Variants in FLACC1 observed in about 807,000 individuals in gnomAD.
FLACC1 encodes the protein flagellum associated containing coiled-coil domains 1.
In FLACC1, 66 loss-of-function variants were observed where a neutral mutation model predicts 62.8. The observed-to-expected ratio is 1.05, with a 90% CI of 0.86 to 1.29. FLACC1 has a LOEUF of 1.29. Ranked by LOEUF, FLACC1 falls within the 50% of genes most tolerant of loss-of-function variation. The pLI, the probability that FLACC1 is intolerant of heterozygous loss-of-function variation, is 0.00. For missense variants in FLACC1, 452 were observed against 489.1 expected, an observed-to-expected ratio of 0.92 and a Z score of 0.71; for synonymous variants, 156 against 161.0, an observed-to-expected ratio of 0.97 and a Z score of 0.24.
chr2:201,314,069 T>C (rs1950266130), intron 9 of FLACC1, among the ~76,000 whole-genome samples: 1 of 152,156 alleles, frequency 6.6e-6, no homozygotes, highest in South Asian at 2.1e-4. Flanking sequence ...AACAACAGCC[T>C]TGAGCCCTAG....
chr2:201,293,828 G>A (rs1011071451), intron 12 of FLACC1, among the ~76,000 whole-genome samples: 4 of 134,132 alleles, frequency 3.0e-5, no homozygotes, highest in African/African-American at 5.1e-5. Context: ...AAAAAAAAAC[G>A]ATAAAGGGGA....
rs369960145 is a variant in FLACC1 at position 201,352,746 on chromosome 2, C to T, written c.-47-1295G>A. On this transcript the variant is annotated intron_variant, in intron 1 of 14. Coordinates refer to ENST00000392257, the MANE Select transcript of FLACC1 (RefSeq NM_001127391.3). ...ATGAATACTGTCCCTTTCCCTATAC[C>T]GCATGTCCTAATCCCTGGAAAGTGT... Among the ~76,000 whole-genome samples, 28 of 152,274 alleles carry T rather than the reference C, an allele frequency of 1.8e-4. No individual in the cohort carries two copies. The East Asian group carries it at 2.7e-3, about 15-fold the overall frequency.
At chr2:201,288,901 A>G (rs908629825) in intron 14 of FLACC1, 120 bp from the exon 15 acceptor site, 6 of 1,178,396 alleles carry the variant, frequency 5.1e-6, no homozygotes, top group African/African-American at 4.6e-5. Flanking sequence ...TCTCTCACTC[A>G]TTACTTGCAG....
chr2:201,324,976 A>C, intron 9 of FLACC1, among the ~76,000 whole-genome samples: 1 of 152,000 alleles, frequency 6.6e-6, no homozygotes, highest in Admixed American at 6.6e-5. Flanking sequence ...AAAAATACAA[A>C]AATTAGCTGG....
At position 201,309,366 on chromosome 2, in the gene FLACC1, C is replaced by A. The variant is rs747102793; in HGVS notation, c.676-116G>T. On this transcript the variant is annotated intron_variant, in intron 9 of 14. Transcript: ENST00000392257. ...CTTGGCATTGCACAGTGGCCAGGGC[C>A]CATCACCATGTTCTGTGCATCTTCC... 3.5e-5 allele frequency: 26 copies of A among 753,412 alleles called. No individual in the cohort carries two copies. In the East Asian group the frequency reaches 6.4e-4, roughly 19 times the overall value. 46.7% of individuals were successfully genotyped at this position (753,412 alleles called of 1,614,324 possible).
intron 1 of FLACC1, among the ~76,000 whole-genome samples, chr2:201,355,532 C>T (rs1951102451): frequency 6.6e-6 from 1 of 150,822 alleles, no homozygotes; most frequent in Non-Finnish European, 1.5e-5. Flanking sequence ...TAAACAATGT[C>T]TTGGTATATA....
chr2:201,335,130 A>C (rs1013303483), intron 7 of FLACC1, among the ~76,000 whole-genome samples: 1 of 151,944 alleles, frequency 6.6e-6, no homozygotes, highest in African/African-American at 2.4e-5. Context: ...TATCAGTTGT[A>C]ATGTCTCCTC....
chr2:201,334,061 C>A (rs1950646879), intron 7 of FLACC1, among the ~76,000 whole-genome samples: 1 of 152,212 alleles, frequency 6.6e-6, no homozygotes, highest in Admixed American at 6.5e-5. Context: ...TCTCCACAGC[C>A]TCTCCAGCAC....
chr2:201,344,701 AG>A (rs1950878890), intron 5 of FLACC1, among the ~76,000 whole-genome samples: 2 of 152,162 alleles, frequency 1.3e-5, no homozygotes, highest in Admixed American at 1.3e-4. Flanking sequence ...TGGGACTAAG[AG>A]GGTATTTAAG....
chr2:201,307,410 TA>T (rs762116626), intron 11 of FLACC1, 108 bp downstream of exon 11: 42 of 796,198 alleles, frequency 5.3e-5, no homozygotes, highest in Middle Eastern at 5.2e-4. Flanking sequence ...AGAGGAGGAT[TA>T]TGCCCAGAAA....
intron 6 of FLACC1, 78 bp from the exon 7 acceptor site, chr2:201,342,509 C>T: frequency 1.4e-6 from 2 of 1,452,574 alleles, no homozygotes; most frequent in South Asian, 1.2e-5. Context: ...GAAAAGCCTT[C>T]CAATTTATGG....
At chr2:201,360,615 A>G (rs1274781614), upstream of FLACC1, among the ~76,000 whole-genome samples, 1 of 152,192 alleles carries the variant, frequency 6.6e-6, no homozygotes, top group East Asian at 1.9e-4. Context: ...GTGCTATGCT[A>G]ACTCCCATGG....
rs372401496 is a variant in FLACC1 at position 201,328,035 on chromosome 2, C to G, written c.675+2435G>C. ...TTGGATGGAGCTGGAGGCCATTATT[C>G]TAAACAAAGTAACACAGGAGTGGAA... On this transcript the variant is annotated intron_variant, in intron 9 of 14. Transcript: ENST00000392257. Among the ~76,000 whole-genome samples, 7 of 152,232 alleles carry G rather than the reference C, an allele frequency of 4.6e-5. No individual in the cohort carries two copies. In the East Asian group the frequency reaches 9.7e-4, roughly 21 times the overall value.
intron 9 of FLACC1, among the ~76,000 whole-genome samples, chr2:201,323,613 C>G (rs1458858905): frequency 6.6e-6 from 1 of 151,956 alleles, no homozygotes; most frequent in Non-Finnish European, 1.5e-5. Flanking sequence ...TGGCAAAACC[C>G]TGTCTTTACT....
At position 201,348,275 on chromosome 2, in the gene FLACC1, T is replaced by TA. The variant is rs1366237331; in HGVS notation, c.212_213insT (p.Glu71AspfsTer4). 6.2e-7 allele frequency: 1 copy of TA among 1,613,106 alleles called. No individual in the cohort carries two copies. The highest frequency in any genetic ancestry group is 8.5e-7 in the Non-Finnish European group (1 of 1,179,824). On this transcript the variant is annotated frameshift_variant, in exon 4 of 15. Coordinates refer to ENST00000392257, the MANE Select transcript of FLACC1 (RefSeq NM_001127391.3). LOFTEE classifies it high-confidence loss of function. Reference sequence around the variant, plus strand: ...TCACATAAAATGATTTATTAGTCTCTTCTTGCCTTGCTGAATGGATTTTCA... The same window carrying TA: ...TCACATAAAATGATTTATTAGTCTCTATCTTGCCTTGCTGAATGGATTTTCA...
At chr2:201,322,898 CAAT>C (rs1950431820) in intron 9 of FLACC1, among the ~76,000 whole-genome samples, 2 of 151,878 alleles carry the variant, frequency 1.3e-5, no homozygotes, top group South Asian at 2.1e-4. Flanking sequence ...CAAGAAAAAA[CAAT>C]AAGAATTTCT....
At position 201,289,636 on chromosome 2, in the gene FLACC1, A is replaced by C; in HGVS notation, c.1032+60T>G. The C allele has an allele frequency of 3.1e-6, 5 of 1,611,490 alleles. No homozygotes were observed. In the Middle Eastern group the frequency reaches 5.0e-4, roughly 160 times the overall value. On this transcript the variant is annotated intron_variant, in intron 13 of 14. Transcript: ENST00000392257. ...CATCCAGGGCAGAGCTATATGGCAG[A>C]GCTGGATGGAGACCTGGGTTCTTCC... is the stretch of plus-strand genomic sequence containing the variant.
At position 201,293,881 on chromosome 2, in the gene FLACC1, G is replaced by A. The variant is rs528728100; in HGVS notation, c.943-4096C>T. Reference sequence around the variant, plus strand: ...CAGAACTACAAACTACCATCAGAGAGTACTATAAACACCTCTATGCAAATA... The same window carrying A: ...CAGAACTACAAACTACCATCAGAGAATACTATAAACACCTCTATGCAAATA... On this transcript the variant is annotated intron_variant, in intron 12 of 14. Transcript: ENST00000392257. 3.2e-4 allele frequency among the ~76,000 whole-genome samples: 48 copies of A among 151,848 alleles called. No homozygotes were observed. In the South Asian group the frequency reaches 7.1e-3, roughly 22 times the overall value.
At chr2:201,301,747 A>G (rs932663595) in intron 11 of FLACC1, among the ~76,000 whole-genome samples, 2 of 152,224 alleles carry the variant, frequency 1.3e-5, no homozygotes, top group Non-Finnish European at 2.9e-5. Context: ...CAGAAACTCT[A>G]TCTACAAGCC....
Sources: allele counts gnomAD v4.1 joint callset (sites outside exome capture counted in the v4.1 genomes callset), GRCh38; gene constraint gnomAD v4.1.1; transcripts MANE v1.5; gene names NCBI Gene and HGNC (gene_info 2026-07-23, HGNC 2026-07-21).